Variants in LRP1B observed in about 807,000 individuals in gnomAD.
LRP1B encodes the protein low-density lipoprotein receptor-related protein 1B.
In LRP1B, 217 loss-of-function variants were observed where a neutral mutation model predicts 556.6. That is an observed-to-expected ratio of 0.39 (90% CI 0.35 to 0.44). The LOEUF is 0.44. Ranked by LOEUF, LRP1B falls within the 20% of genes least tolerant of loss-of-function variation. The pLI is 1.00. For missense variants in LRP1B, 5,053 were observed against 5,620.8 expected (o/e 0.90, Z 3.23); for synonymous variants, 2,047 against 1,865.8 (o/e 1.10, Z -2.50).
At chr2:141,219,868 GA>G (rs1682964552) in intron 6 of LRP1B, among the ~76,000 whole-genome samples, 3 of 151,940 alleles carry the variant, frequency 2.0e-5, no homozygotes, top group Admixed American at 6.6e-5. Flanking sequence ...ATTGCCAAAA[GA>G]AAAACAAACA....
chr2:140,443,359 C>G (rs1351978725), intron 65 of LRP1B, among the ~76,000 whole-genome samples: 5 of 152,132 alleles, frequency 3.3e-5, no homozygotes, highest in African/African-American at 4.8e-5. Context: ...CTGCACCCGG[C>G]CTGTGTTGAG....
intron 1 of LRP1B, among the ~76,000 whole-genome samples, chr2:142,063,045 C>A (rs1574645869): frequency 2.6e-5 from 3 of 115,244 alleles, no homozygotes; most frequent in East Asian, 2.6e-4. Flanking sequence ...AAGATGGAAG[C>A]ATTACCTGAC....
At chr2:140,625,649 C>T (rs1313714081) in intron 41 of LRP1B, among the ~76,000 whole-genome samples, 2 of 152,136 alleles carry the variant, frequency 1.3e-5, no homozygotes, top group African/African-American at 4.8e-5. Flanking sequence ...CATCACATGT[C>T]ATTAGGAAAC....
At chr2:141,545,692 A>G (rs922320350) in intron 2 of LRP1B, among the ~76,000 whole-genome samples, 4 of 152,156 alleles carry the variant, frequency 2.6e-5, no homozygotes, top group African/African-American at 4.8e-5. Flanking sequence ...TAATAATAGT[A>G]ATAATAAATA....
intron 23 of LRP1B, among the ~76,000 whole-genome samples, chr2:140,887,409 T>C (rs116496160): frequency 2.0e-3 from 297 of 152,302 alleles, no homozygotes; most frequent in African/African-American, 6.8e-3. Context: ...TATCATTCAA[T>C]TGCATGTGAA....
At chr2:140,629,316 C>G (rs927619247) in intron 41 of LRP1B, among the ~76,000 whole-genome samples, 4 of 152,016 alleles carry the variant, frequency 2.6e-5, no homozygotes, top group Non-Finnish European at 4.4e-5. Context: ...GATCCACCCC[C>G]CTTGGCCTCC....
At chr2:140,671,081 C>T (rs944957070) in intron 41 of LRP1B, among the ~76,000 whole-genome samples, 7 of 152,046 alleles carry the variant, frequency 4.6e-5, no homozygotes, top group African/African-American at 1.7e-4. Flanking sequence ...GCAGTTATAA[C>T]AAATTACCAC....
At chr2:141,984,219 T>A (rs1702122149) in intron 1 of LRP1B, among the ~76,000 whole-genome samples, 1 of 152,170 alleles carries the variant, frequency 6.6e-6, no homozygotes. Context: ...GCAGGTTTGT[T>A]ACATGTGTAT....
chr2:140,625,548 C>T (rs953192127), intron 41 of LRP1B, among the ~76,000 whole-genome samples: 35 of 152,050 alleles, frequency 2.3e-4, no homozygotes, highest in Non-Finnish European at 5.9e-5. Flanking sequence ...AAAATGAACA[C>T]CTGACTTAAA....
In LRP1B at chr2:141,525,567, T is replaced by C. The variant is rs904294777; in HGVS notation, c.206-45034A>G. ...ACTCAGGGAACTTAAAAACAGTTTATTAAATAATTATGCTTTCAACTGGTC... is the reference window on the plus strand; with the variant it reads ...ACTCAGGGAACTTAAAAACAGTTTACTAAATAATTATGCTTTCAACTGGTC... On this transcript the variant is annotated intron_variant, in intron 2 of 90. Transcript: ENST00000389484. Among the ~76,000 whole-genome samples the C allele has an allele frequency of 1.1e-4, 16 of 152,196 alleles. No homozygotes were observed. In the South Asian group the frequency reaches 3.3e-3, roughly 32 times the overall value.
At chr2:141,948,172 G>T (rs1243758946) in intron 1 of LRP1B, among the ~76,000 whole-genome samples, 1 of 151,942 alleles carries the variant, frequency 6.6e-6, no homozygotes, top group African/African-American at 2.4e-5. Flanking sequence ...AGTGGCGCAT[G>T]CTTGTGGTCC....
intron 3 of LRP1B, among the ~76,000 whole-genome samples, chr2:141,449,304 C>T (rs1681318610): frequency 6.6e-6 from 1 of 152,042 alleles, no homozygotes; most frequent in Non-Finnish European, 1.5e-5. Flanking sequence ...TGTTATGACT[C>T]TTGAAATTGG....
intron 2 of LRP1B, among the ~76,000 whole-genome samples, chr2:141,548,961 A>G (rs1685652503): frequency 6.6e-6 from 1 of 152,106 alleles, no homozygotes; most frequent in Non-Finnish European, 1.5e-5. Context: ...AAAAAAAATG[A>G]CAGCATACAG....
At chr2:140,801,385 T>C (rs1029805119) in intron 32 of LRP1B, among the ~76,000 whole-genome samples, 27 of 151,894 alleles carry the variant, frequency 1.8e-4, no homozygotes, top group African/African-American at 6.3e-4. Flanking sequence ...CAAAGAGAAA[T>C]AAGTAGGGCA....
At chr2:140,646,088 A>C (rs1329091943) in intron 41 of LRP1B, among the ~76,000 whole-genome samples, 1 of 152,094 alleles carries the variant, frequency 6.6e-6, no homozygotes, top group Non-Finnish European at 1.5e-5. Context: ...AACGCTCAAA[A>C]CTCAGTTCTC....
intron 1 of LRP1B, among the ~76,000 whole-genome samples, chr2:141,848,110 A>G (rs915879105): frequency 2.0e-5 from 3 of 151,626 alleles, no homozygotes; most frequent in Non-Finnish European, 4.4e-5. Flanking sequence ...GCAACTTACA[A>G]TGTCAATCAA....
intron 21 of LRP1B, among the ~76,000 whole-genome samples, chr2:140,920,904 T>C (rs1000801774): frequency 2.6e-5 from 4 of 151,994 alleles, no homozygotes; most frequent in Non-Finnish European, 4.4e-5. Context: ...TCAACACATA[T>C]AAAAGTGTTC....
intron 32 of LRP1B, 69 bp from the exon 33 acceptor site, chr2:140,776,307 T>C: frequency 1.0e-6 from 1 of 989,752 alleles, no homozygotes; most frequent in Non-Finnish European, 1.4e-6. Context: ...AAATACTTAC[T>C]AAACTATAAT....
chr2:140,376,357 A>T (rs1683228171), intron 68 of LRP1B, among the ~76,000 whole-genome samples: 1 of 152,174 alleles, frequency 6.6e-6, no homozygotes, highest in African/African-American at 2.4e-5. Context: ...TATAAGCCTT[A>T]ACCAATACAT....
Sources: allele counts gnomAD v4.1 joint callset (sites outside exome capture counted in the v4.1 genomes callset), GRCh38; gene constraint gnomAD v4.1.1; transcripts MANE v1.5; gene names NCBI Gene and HGNC (gene_info 2026-07-23, HGNC 2026-07-21).